APPBP2: variants seen among roughly 807,000 people sequenced by gnomAD.
APPBP2 encodes the protein amyloid protein-binding protein 2.
Under a neutral mutation model 76.0 loss-of-function variants are expected in APPBP2, and 15 were observed. The ratio of observed to expected loss-of-function variants is 0.20; its 90% CI spans 0.13 to 0.30. APPBP2 has a LOEUF of 0.30. Among genes scored for constraint, APPBP2 ranks in the 10% least tolerant of loss-of-function variants. The pLI, the probability that APPBP2 is intolerant of heterozygous loss-of-function variation, is 1.00. For missense variants in APPBP2, 401 were observed against 687.2 expected (o/e 0.58, Z 4.66); for synonymous variants, 222 against 242.2 (o/e 0.92, Z 0.77).
chr17:60,450,926 T>C (rs1047879983), intron 12 of APPBP2, among the ~76,000 whole-genome samples: 3 of 152,224 alleles, frequency 2.0e-5, no homozygotes, highest in Admixed American at 2.0e-4. Context: ...AGAACTTCTA[T>C]AAGTCAATAA....
chr17:60,509,940 T>C (rs987987109), intron 1 of APPBP2, among the ~76,000 whole-genome samples: 3 of 152,238 alleles, frequency 2.0e-5, no homozygotes, highest in South Asian at 2.1e-4. Flanking sequence ...AGCTAGGTGA[T>C]AGACATAGGA....
chr17:60,525,670 A>G, intron 1 of APPBP2, 124 bp downstream of exon 1: 2 of 1,433,638 alleles, frequency 1.4e-6, no homozygotes, highest in Non-Finnish European at 1.9e-6. Context: ...ACCGCACCAG[A>G]CGTTTCGGGA....
intron 1 of APPBP2, among the ~76,000 whole-genome samples, chr17:60,504,926 G>C (rs1479086903): frequency 6.6e-6 from 1 of 152,088 alleles, no homozygotes; most frequent in Non-Finnish European, 1.5e-5. Context: ...AACTTTCTCA[G>C]AGAGTCTTTA....
At chr17:60,474,182 T>A (rs1053262939) in intron 4 of APPBP2, among the ~76,000 whole-genome samples, 36 of 151,966 alleles carry the variant, frequency 2.4e-4, no homozygotes, top group East Asian at 3.8e-4. Flanking sequence ...TTTTTATTTT[T>A]TTTTTTTGAG....
intron 4 of APPBP2, among the ~76,000 whole-genome samples, chr17:60,473,818 G>GT (rs1251834996): frequency 6.6e-6 from 1 of 152,094 alleles, no homozygotes; most frequent in African/African-American, 2.4e-5. Flanking sequence ...CATCACCATA[G>GT]TTATTTGAGT....
chr17:60,491,109 G>A (rs1253303291), intron 3 of APPBP2, among the ~76,000 whole-genome samples: 2 of 152,160 alleles, frequency 1.3e-5, no homozygotes, highest in Non-Finnish European at 2.9e-5. Context: ...GAAAAATGTA[G>A]GAAAAGTTTG....
chr17:60,494,979 G>GT (rs1567934313), intron 2 of APPBP2, among the ~76,000 whole-genome samples: 11 of 116,844 alleles, frequency 9.4e-5, no homozygotes, highest in South Asian at 4.9e-4. Context: ...TTTTTGTTTT[G>GT]TTTTGTTTTT....
rs772214056 is a variant in APPBP2 at position 60,447,670 on chromosome 17, G to A, written c.1669C>T (p.Leu557Phe). 2.5e-6 allele frequency: 4 copies of A among 1,613,982 alleles called. No homozygotes were observed. The highest frequency in any genetic ancestry group is 4.5e-5 in the East Asian group (2 of 44,896). ...RDRQYSVTDA[L>F]EDVSTSPQST... ...TGGGGGCTGGTGCTGACATCTTCAA[G>A]AGCATCTGTCACTGAATATTGCCGA... The change falls in exon 13 of 13, where the codon CTT becomes TTT. Residue 557 changes from leucine to phenylalanine, a missense_variant. Physicochemically the swap from Leu to Phe is conservative, Grantham distance 22. Transcript: ENST00000083182.
rs191510321 is a variant in APPBP2 at position 60,490,522 on chromosome 17, A to G, written c.379+3944T>C. On this transcript the variant is annotated intron_variant, in intron 3 of 12. Transcript: ENST00000083182. ...CCTTGTCTCAACAAAAATAAAAATTAGCTGTGTATGTTGACACATGCCTGT... is the reference window on the plus strand; with the variant it reads ...CCTTGTCTCAACAAAAATAAAAATTGGCTGTGTATGTTGACACATGCCTGT... 1.1e-3 allele frequency among the ~76,000 whole-genome samples: 170 copies of G among 152,328 alleles called. 1 individual carries two copies. Among genetic ancestry groups the G allele is most frequent in the Non-Finnish European group, 1.2e-3 (83 of 68,030 alleles).
rs971338344 is a variant in APPBP2 at position 60,444,320 on chromosome 17, C to T, written c.*3261G>A. On this transcript the variant is annotated 3_prime_UTR_variant, in exon 13 of 13. Transcript: ENST00000083182. ...ATTCTAGGGAAAACATAAAAAGTGG[C>T]AGTTAATGATACCTGTTATGAGCAA... is the stretch of plus-strand genomic sequence containing the variant. 3 of 152,190 alleles carry T rather than the reference C, an allele frequency of 2.0e-5. No individual in the cohort carries two copies. Among genetic ancestry groups the T allele is most frequent in the African/African-American group, 4.8e-5 (2 of 41,298 alleles). The allele number at this position is 152,190 out of a possible 1,614,324, so 9.4% of individuals were successfully genotyped here.
rs78296732 is a variant in APPBP2, at chr17:60,466,600, T to C, written c.504-141A>G. 601 of 791,310 alleles carry C rather than the reference T, an allele frequency of 7.6e-4. 6 individuals carry two copies. In the East Asian group the frequency reaches 0.012, roughly 16 times the overall value. 49.0% of individuals were successfully genotyped at this position (791,310 alleles called of 1,614,324 possible). A position where few individuals can be genotyped will look rare whatever the true frequency, so the allele number is the denominator to read the frequency against. On this transcript the variant is annotated intron_variant, in intron 4 of 12. Coordinates refer to ENST00000083182, the MANE Select transcript of APPBP2 (RefSeq NM_006380.5). ...ATTGAAAATAAGTGTGTGGCCCAAA[T>C]TGGAGTTGACCTCATGCCCATAAAG...
intron 5 of APPBP2, among the ~76,000 whole-genome samples, chr17:60,465,505 C>T (rs199577425): frequency 2.6e-5 from 4 of 152,176 alleles, no homozygotes; most frequent in African/African-American, 9.7e-5. Flanking sequence ...ACATTCCTCA[C>T]GAATGTGCTG....
intron 1 of APPBP2, among the ~76,000 whole-genome samples, chr17:60,516,685 A>G (rs773053080): frequency 6.6e-6 from 1 of 152,212 alleles, no homozygotes; most frequent in East Asian, 1.9e-4. Flanking sequence ...ATGAACATTC[A>G]TAAGTGTATA....
In APPBP2 at chr17:60,497,104, A is replaced by G. The variant is rs139407386; in HGVS notation, c.228-2487T>C. ...GACCTTGTGGATCCTACTCACTGCT[A>G]TGGCCCCAGCATCTAAAACAGTATC... On this transcript the variant is annotated intron_variant, in intron 2 of 12. Transcript: ENST00000083182. Among the ~76,000 whole-genome samples, 70 of 152,328 alleles carry G rather than the reference A, an allele frequency of 4.6e-4. No homozygotes were observed. In the East Asian group the frequency reaches 0.012, roughly 27 times the overall value.
At chr17:60,497,655 A>C (rs1046078714) in intron 2 of APPBP2, among the ~76,000 whole-genome samples, 1 of 152,164 alleles carries the variant, frequency 6.6e-6, no homozygotes, top group Admixed American at 6.5e-5. Context: ...CCAAAAACTT[A>C]AAATAAAACA....
At chr17:60,513,205 G>A (rs2090932792) in intron 1 of APPBP2, 1 of 375,452 alleles carries the variant, frequency 2.7e-6, no homozygotes. Flanking sequence ...AAGCGGCCAA[G>A]AGGGCGAGCA....
At chr17:60,512,615 T>A (rs969729287) in intron 1 of APPBP2, among the ~76,000 whole-genome samples, 1 of 150,872 alleles carries the variant, frequency 6.6e-6, no homozygotes, top group Non-Finnish European at 1.5e-5. Flanking sequence ...GGCGGGAGGA[T>A]CACGAGGTCA....
intron 2 of APPBP2, among the ~76,000 whole-genome samples, chr17:60,495,439 ATTATTTATTTAT>A (rs57497934): frequency 0.038 from 5,125 of 136,560 alleles, 192 homozygotes; most frequent in African/African-American, 0.11. Context: ...TTATTTATTT[ATTATTTATTTAT>A]TTATTTATTT....
intron 1 of APPBP2, among the ~76,000 whole-genome samples, chr17:60,509,629 C>G (rs1020286456): frequency 5.9e-5 from 9 of 152,038 alleles, no homozygotes; most frequent in African/African-American, 2.2e-4. Context: ...ATAGAAAAAC[C>G]CCATCTCTAC....
Sources: gnomAD v4.1 joint callset for allele counts (sites outside exome capture counted in the v4.1 genomes callset) on GRCh38, gnomAD v4.1.1 for gene constraint, MANE v1.5 for transcripts, NCBI Gene and HGNC (gene_info 2026-07-23, HGNC 2026-07-21) for gene names.